FSTL5: variants seen among roughly 807,000 people sequenced by gnomAD.
The protein encoded by FSTL5 is follistatin-related protein 5.
A neutral mutation model predicts 89.1 loss-of-function variants in FSTL5; 62 were observed. That is an observed-to-expected ratio of 0.70 (90% CI 0.57 to 0.86). FSTL5 has a LOEUF of 0.86. Among genes scored for constraint, FSTL5 ranks in the 40% least tolerant of loss-of-function variants. The pLI is 0.00. For missense variants in FSTL5, 1,057 were observed against 1,001.6 expected (o/e 1.06, Z -0.75); for synonymous variants, 383 against 346.2 (o/e 1.11, Z -1.18).
intron 4 of FSTL5, among the ~76,000 whole-genome samples, chr4:161,799,496 G>C (rs1297459764): frequency 6.6e-6 from 1 of 151,618 alleles, no homozygotes; most frequent in Non-Finnish European, 1.5e-5. Flanking sequence ...TAGAAGCAAA[G>C]AGATTTTTGA....
intron 8 of FSTL5, among the ~76,000 whole-genome samples, chr4:161,548,684 G>A (rs1732090118): frequency 6.6e-6 from 1 of 151,714 alleles, no homozygotes; most frequent in Admixed American, 6.6e-5. Flanking sequence ...CATTCATTCA[G>A]TAAATATACA....
chr4:161,959,358 A>AT (rs1735110381), intron 3 of FSTL5, among the ~76,000 whole-genome samples: 2 of 152,030 alleles, frequency 1.3e-5, no homozygotes, highest in African/African-American at 4.8e-5. Context: ...TTAGGATGTT[A>AT]TTTTTTATTT....
At chr4:161,737,510 A>G (rs2126768127) in intron 6 of FSTL5, among the ~76,000 whole-genome samples, 1 of 152,168 alleles carries the variant, frequency 6.6e-6, no homozygotes, top group East Asian at 1.9e-4. Context: ...CTGCAAGAAT[A>G]ACGTGCATTT....
At chr4:161,713,860 A>G (rs552808259) in intron 6 of FSTL5, among the ~76,000 whole-genome samples, 1 of 152,112 alleles carries the variant, frequency 6.6e-6, no homozygotes, top group South Asian at 2.1e-4. Flanking sequence ...TTCCACTTGG[A>G]CTTTTAATTG....
At chr4:161,492,581 T>C (rs923316759) in intron 12 of FSTL5, among the ~76,000 whole-genome samples, 1 of 152,146 alleles carries the variant, frequency 6.6e-6, no homozygotes, top group Non-Finnish European at 1.5e-5. Flanking sequence ...TACAACTATG[T>C]TGTTGTTTGG....
chr4:161,477,794 T>A (rs1178173922), intron 13 of FSTL5, among the ~76,000 whole-genome samples: 1 of 152,054 alleles, frequency 6.6e-6, no homozygotes, highest in Non-Finnish European at 1.5e-5. Flanking sequence ...ACAGGGTTAG[T>A]ATAAAACTTG....
chr4:161,789,992 T>G (rs1208360252), intron 4 of FSTL5, among the ~76,000 whole-genome samples: 1 of 152,224 alleles, frequency 6.6e-6, no homozygotes, highest in East Asian at 1.9e-4. Flanking sequence ...CGAATTAATT[T>G]TCACCTTTCT....
intron 4 of FSTL5, among the ~76,000 whole-genome samples, chr4:161,812,373 G>A (rs1444603958): frequency 6.6e-6 from 1 of 152,174 alleles, no homozygotes; most frequent in Non-Finnish European, 1.5e-5. Flanking sequence ...CCCTGTGCAT[G>A]TACTGCAGAG....
chr4:161,428,275 TTGAAAGGCAG>T (rs1421892706), intron 15 of FSTL5, among the ~76,000 whole-genome samples: 1 of 152,124 alleles, frequency 6.6e-6, no homozygotes, highest in South Asian at 2.1e-4. Context: ...CCTAAATAAA[TTGAAAGGCAG>T]TCTAGGCCAC....
intron 8 of FSTL5, among the ~76,000 whole-genome samples, chr4:161,544,955 A>G (rs1360392162): frequency 6.6e-6 from 1 of 152,020 alleles, no homozygotes; most frequent in African/African-American, 2.4e-5. Flanking sequence ...CAATTATATA[A>G]TCATTGATAT....
intron 3 of FSTL5, among the ~76,000 whole-genome samples, chr4:161,943,848 C>A (rs575720306): frequency 6.6e-6 from 1 of 151,972 alleles, no homozygotes; most frequent in African/African-American, 2.4e-5. Context: ...AGCCACTGCG[C>A]CTGGCCCATA....
intron 4 of FSTL5, among the ~76,000 whole-genome samples, chr4:161,826,244 T>C (rs922758713): frequency 3.3e-5 from 5 of 152,104 alleles, no homozygotes; most frequent in Non-Finnish European, 5.9e-5. Flanking sequence ...TCTGAGAGAG[T>C]AATATAATTT....
intron 8 of FSTL5, among the ~76,000 whole-genome samples, chr4:161,566,100 C>CTATATATATATATATATA (rs59511238): frequency 3.7e-5 from 2 of 54,058 alleles, no homozygotes; most frequent in African/African-American, 7.2e-5. Flanking sequence ...TTTTTTTGGA[C>CTATATATATATATATATA]TATATATATA....
chr4:161,457,152 T>C (rs1034431597), intron 14 of FSTL5, among the ~76,000 whole-genome samples: 2 of 152,182 alleles, frequency 1.3e-5, no homozygotes, highest in East Asian at 3.9e-4. Context: ...ATCTTGTGTT[T>C]CCTATCATAT....
At chr4:162,018,589 T>C (rs1443536829) in intron 3 of FSTL5, among the ~76,000 whole-genome samples, 1 of 152,146 alleles carries the variant, frequency 6.6e-6, no homozygotes, top group East Asian at 1.9e-4. Flanking sequence ...CTACTTGTCA[T>C]AACTTTTTTC....
At chr4:161,732,555 A>T (rs2126763526) in intron 6 of FSTL5, among the ~76,000 whole-genome samples, 1 of 152,228 alleles carries the variant, frequency 6.6e-6, no homozygotes, top group African/African-American at 2.4e-5. Flanking sequence ...TATATAATTA[A>T]GAATGCTTAG....
chr4:161,416,132 A>G (rs1433639505), intron 15 of FSTL5, among the ~76,000 whole-genome samples: 2 of 152,138 alleles, frequency 1.3e-5, no homozygotes, highest in African/African-American at 4.8e-5. Flanking sequence ...TGCAACACAT[A>G]ATTTTGTCGT....
chr4:161,853,529 C>T (rs920816351), intron 4 of FSTL5, among the ~76,000 whole-genome samples: 17 of 151,418 alleles, frequency 1.1e-4, no homozygotes, highest in Admixed American at 9.9e-4. Flanking sequence ...CGGCCTCCCT[C>T]GGCCTCCCAA....
intron 4 of FSTL5, among the ~76,000 whole-genome samples, chr4:161,906,672 T>C (rs1440551430): frequency 6.6e-6 from 1 of 152,086 alleles, no homozygotes; most frequent in Non-Finnish European, 1.5e-5. Context: ...GGCAAGTATC[T>C]GGAAGAAAAT....
Sources: gnomAD v4.1 joint callset for allele counts (sites outside exome capture counted in the v4.1 genomes callset) on GRCh38, gnomAD v4.1.1 for gene constraint, MANE v1.5 for transcripts, NCBI Gene and HGNC (gene_info 2026-07-23, HGNC 2026-07-21) for gene names.